The following TMTC1 variants were observed in gnomAD, a reference collection of about 807,000 sequenced individuals.
The protein encoded by TMTC1 is transmembrane O-mannosyltransferase targeting cadherins 1.
Under a neutral mutation model 104.8 loss-of-function variants are expected in TMTC1, and 73 were observed. The observed-to-expected ratio is 0.70, with a 90% CI of 0.58 to 0.85. The LOEUF is 0.85. TMTC1 is among the 40% of genes least tolerant of loss of function. The pLI is 0.00. For missense variants in TMTC1, 1,035 were observed against 1,096.1 expected, an observed-to-expected ratio of 0.94 and a Z score of 0.79; for synonymous variants, 434 against 428.7, an observed-to-expected ratio of 1.01 and a Z score of -0.15.
intron 5 of TMTC1, among the ~76,000 whole-genome samples, chr12:29,652,792 TG>T (rs1464171625): frequency 6.6e-6 from 1 of 152,218 alleles, no homozygotes; most frequent in Non-Finnish European, 1.5e-5. Flanking sequence ...CTGGGCACAG[TG>T]GCTCACGCCT....
intron 5 of TMTC1, among the ~76,000 whole-genome samples, chr12:29,740,126 G>T (rs1942786248): frequency 6.6e-6 from 1 of 152,114 alleles, no homozygotes; most frequent in African/African-American, 2.4e-5. Flanking sequence ...AAGTGATCCT[G>T]CCCCAGCCTC....
intron 1 of TMTC1, among the ~76,000 whole-genome samples, chr12:29,770,363 A>G (rs988499124): frequency 2.6e-5 from 4 of 152,196 alleles, no homozygotes; most frequent in African/African-American, 9.6e-5. Flanking sequence ...AGCGTTATCC[A>G]TGTTATTTCT....
At chr12:29,629,214 G>A (rs1449238560) in intron 6 of TMTC1, among the ~76,000 whole-genome samples, 1 of 151,834 alleles carries the variant, frequency 6.6e-6, no homozygotes, top group South Asian at 2.1e-4. Context: ...CCTGCTACAC[G>A]GGAGGCTGAG....
intron 5 of TMTC1, among the ~76,000 whole-genome samples, chr12:29,645,929 G>A (rs188166240): frequency 4.5e-4 from 68 of 152,250 alleles, no homozygotes; most frequent in Middle Eastern, 3.4e-3. Flanking sequence ...TGGGCATTAC[G>A]CTCATTCTTG....
At chr12:29,758,833 A>G in intron 2 of TMTC1, 56 bp from the exon 3 acceptor site, 3 of 1,414,102 alleles carry the variant, frequency 2.1e-6, no homozygotes, top group Admixed American at 2.2e-5. Context: ...TCAGAAAACT[A>G]TTACACAAAT....
At chr12:29,766,508 T>C (rs986899358) in intron 2 of TMTC1, among the ~76,000 whole-genome samples, 13 of 152,202 alleles carry the variant, frequency 8.5e-5, no homozygotes, top group African/African-American at 2.9e-4. Flanking sequence ...TCCTTTGGGT[T>C]TGTGATGCCT....
At chr12:29,660,855 G>GA in intron 5 of TMTC1, 3 of 1,504,536 alleles carry the variant, frequency 2.0e-6, no homozygotes, top group Non-Finnish European at 2.7e-6. Context: ...TGGTAAGCAG[G>GA]AAATTTCTAT....
intron 4 of TMTC1, among the ~76,000 whole-genome samples, chr12:29,752,332 T>G (rs1943112434): frequency 6.6e-6 from 1 of 152,136 alleles, no homozygotes; most frequent in African/African-American, 2.4e-5. Flanking sequence ...GTTATGTGAG[T>G]AACTCACATA....
At chr12:29,598,888 CT>C (rs1186383474) in intron 7 of TMTC1, among the ~76,000 whole-genome samples, 9 of 152,312 alleles carry the variant, frequency 5.9e-5, no homozygotes, top group African/African-American at 2.2e-4. Flanking sequence ...GACAATTTAA[CT>C]TCTTCTTTTC....
At chr12:29,666,222 TTTTTTC>T (rs967343606) in intron 5 of TMTC1, 16 of 411,390 alleles carry the variant, frequency 3.9e-5, no homozygotes, top group South Asian at 1.6e-4. Context: ...TCTTTTTTTC[TTTTTTC>T]TTTTTTTTTT....
chr12:29,566,478 G>C (rs955133523), intron 9 of TMTC1, among the ~76,000 whole-genome samples: 3 of 152,152 alleles, frequency 2.0e-5, no homozygotes, highest in Non-Finnish European at 4.4e-5. Flanking sequence ...GGCTGGTCTT[G>C]AACTCCTGAC....
At chr12:29,562,210 C>T (rs551822587) in intron 9 of TMTC1, among the ~76,000 whole-genome samples, 1 of 152,314 alleles carries the variant, frequency 6.6e-6, no homozygotes, top group Non-Finnish European at 1.5e-5. Flanking sequence ...CCACTTTCAT[C>T]TTGCACCGTA....
chr12:29,643,934 T>C (rs1435841266), intron 5 of TMTC1, among the ~76,000 whole-genome samples: 2 of 112,576 alleles, frequency 1.8e-5, no homozygotes, highest in Non-Finnish European at 3.3e-5. Flanking sequence ...TAAATAAATA[T>C]ATATAAATTT....
At position 29,556,896 on chromosome 12, in the gene TMTC1, T is replaced by C. The variant is rs1470004043; in HGVS notation, c.1637A>G (p.Gln546Arg). The change falls in exon 10 of 18, where the codon CAG (glutamine) becomes CGG (arginine). Residue 546 changes from glutamine (Q) to arginine (R), a missense_variant. Physicochemically the swap from Gln to Arg is conservative, Grantham distance 43. Transcript: ENST00000539277. ...CAGATTGAAAAGAGCCCGGTTATGCTGTGGATGGAGCTGGAGAGCCCTCTG... is the reference window on the plus strand; with the variant it reads ...CAGATTGAAAAGAGCCCGGTTATGCCGTGGATGGAGCTGGAGAGCCCTCTG... ...YYQRALQLHP[Q>R]HNRALFNLGN... 1.2e-6 allele frequency: 2 copies of C among 1,614,112 alleles called. No individual in the cohort carries two copies. Among genetic ancestry groups the C allele is most frequent in the African/African-American group, 1.3e-5 (1 of 75,052 alleles).
At chr12:29,611,509 G>C (rs1216493866) in intron 6 of TMTC1, among the ~76,000 whole-genome samples, 2 of 152,298 alleles carry the variant, frequency 1.3e-5, no homozygotes, top group Non-Finnish European at 2.9e-5. Context: ...CTTTAAGCAA[G>C]CACTAGTGAG....
intron 6 of TMTC1, among the ~76,000 whole-genome samples, chr12:29,613,030 T>G (rs1946885316): frequency 6.6e-6 from 1 of 152,202 alleles, no homozygotes; most frequent in Non-Finnish European, 1.5e-5. Flanking sequence ...ACACACATTC[T>G]TAACTTGTTA....
At chr12:29,547,991 C>G (rs1238498970) in intron 10 of TMTC1, among the ~76,000 whole-genome samples, 2 of 152,316 alleles carry the variant, frequency 1.3e-5, no homozygotes, top group African/African-American at 4.8e-5. Context: ...AGTGAATGCA[C>G]TAGACAGCTG....
At chr12:29,625,654 C>T (rs1565719294) in intron 6 of TMTC1, among the ~76,000 whole-genome samples, 1 of 152,204 alleles carries the variant, frequency 6.6e-6, no homozygotes, top group African/African-American at 2.4e-5. Flanking sequence ...AAAGGATCAA[C>T]AGCCTTTCAC....
At chr12:29,683,484 C>A (rs997808247) in intron 5 of TMTC1, among the ~76,000 whole-genome samples, 1 of 152,164 alleles carries the variant, frequency 6.6e-6, no homozygotes. Flanking sequence ...AAATTATACT[C>A]ATCAAATTCT....
Sources: allele counts gnomAD v4.1 joint callset (sites outside exome capture counted in the v4.1 genomes callset), GRCh38; gene constraint gnomAD v4.1.1; transcripts MANE v1.5; gene names NCBI Gene and HGNC (gene_info 2026-07-23, HGNC 2026-07-21).